Variants in EPOP observed in about 807,000 individuals in gnomAD.
The protein encoded by EPOP is elongin BC and polycomb repressive complex 2 associated protein, also known as elongin BC and Polycomb repressive complex 2-associated protein.
Under a neutral mutation model 18.2 loss-of-function variants are expected in EPOP, and 14 were observed. The observed-to-expected ratio is 0.77, with a 90% CI of 0.51 to 1.20. EPOP has a LOEUF of 1.20. Ranked by LOEUF, EPOP falls within the 50% of genes most tolerant of loss-of-function variation. EPOP has a pLI of 0.00. For missense variants in EPOP, 527 were observed against 577.2 expected (o/e 0.91, Z 0.89); for synonymous variants, 252 against 274.9 (o/e 0.92, Z 0.83).
rs1263143422 is a variant in EPOP, at chr17:38,672,835, A to T, written c.*521T>A. 6.6e-6 allele frequency: 1 copy of T among 152,416 alleles called. No homozygotes were observed. Among genetic ancestry groups the T allele is most frequent in the Non-Finnish European group, 1.5e-5 (1 of 68,306 alleles). 9.4% of individuals were successfully genotyped at this position (152,416 alleles called of 1,614,324 possible). A position where few individuals can be genotyped will look rare whatever the true frequency, so the allele number is the denominator to read the frequency against. ...CATTAAAGGCTCCAGCGGTGCTTGG[A>T]GCGTTAGGGAAGGCCTGAGGGGAGC... On this transcript the variant is annotated 3_prime_UTR_variant, in exon 1 of 1. Coordinates refer to ENST00000621654, the MANE Select transcript of EPOP (RefSeq NM_001130677.2).
Position 38,673,706 on chromosome 17 carries a change from C to G in EPOP, c.790G>C (p.Asp264His). The G allele has an allele frequency of 6.5e-7, 1 of 1,533,488 alleles. No individual in the cohort carries two copies. The highest frequency in any genetic ancestry group is 8.8e-7 in the Non-Finnish European group (1 of 1,140,558). The allele number at this position is 1,533,488 out of a possible 1,614,324, so 95.0% of individuals were successfully genotyped here. Residue 264 changes from aspartate to histidine, a missense_variant, in exon 1 of 1, where the codon GAC becomes CAC. Physicochemically the swap from Asp to His is moderately conservative, Grantham distance 81. Transcript: ENST00000621654. The part of the protein sequence containing the change: ...LWCYAKGFAL[D>H]TPSLRRGPER... ...GGCCCCCGGCGCAAACTCGGAGTGT[C>G]CAAGGCGAAGCCCTTCGCGTAACAC...
chr17:38,673,645 G>A lies in EPOP; in HGVS notation c.851C>T (p.Ala284Val), dbSNP rs1210948332. ...RPPAKGPARG[A>V]AKKRRLPAPP... ...CGCCGGCAGCCGGCGTTTCTTGGCG[G>A]CTCCCCGAGCCGGCCCTTTCGCAGG... The change falls in exon 1 of 1, where the codon GCC becomes GTC. Residue 284 changes from alanine (A) to valine (V), a missense_variant. Coordinates refer to ENST00000621654, the MANE Select transcript of EPOP (RefSeq NM_001130677.2). 1 of 1,524,698 alleles carries A rather than the reference G, an allele frequency of 6.6e-7. No individual in the cohort carries two copies. The highest frequency in any genetic ancestry group is 2.6e-5 in the East Asian group (1 of 37,906). 94.4% of individuals were successfully genotyped at this position (1,524,698 alleles called of 1,614,324 possible). A position where few individuals can be genotyped will look rare whatever the true frequency, so the allele number is the denominator to read the frequency against.
In EPOP at chr17:38,671,710, A is replaced by G. The variant is rs1450760052; in HGVS notation, c.*1646T>C. On this transcript the variant is annotated 3_prime_UTR_variant, in exon 1 of 1. Transcript: ENST00000621654. ...AAAAATGAAAGGAGACAGTTTTTAA[A>G]ACAAACAAAACTTTTATGGTCCAAA... is the stretch of plus-strand genomic sequence containing the variant. 6.8e-6 allele frequency: 1 copy of G among 146,610 alleles called. No homozygotes were observed. Among genetic ancestry groups the G allele is most frequent in the African/African-American group, 2.5e-5 (1 of 40,056 alleles). 9.1% of individuals were successfully genotyped at this position (146,610 alleles called of 1,614,324 possible).
At position 38,673,900 on chromosome 17, in the gene EPOP, G is replaced by A; in HGVS notation, c.596C>T (p.Ala199Val). The change falls in exon 1 of 1, where the codon GCG (alanine) becomes GTG (valine). Residue 199 changes from alanine (A) to valine (V), a missense_variant. By Grantham distance (64) the Ala-to-Val change is moderately conservative. Transcript: ENST00000621654. ...LSTEPAGPGT[A>V]PRPFLPGQPA... The stretch of plus-strand genomic sequence containing the variant: ...CTGGCCGGGCAGGAACGGCCGCGGC[G>A]CCGTCCCGGGACCCGCGGGCTCGGT... 1.6e-5 allele frequency: 22 copies of A among 1,390,364 alleles called. No homozygotes were observed. The highest frequency in any genetic ancestry group is 2.0e-5 in the Non-Finnish European group (22 of 1,077,978). The allele number at this position is 1,390,364 out of a possible 1,614,324, so 86.1% of individuals were successfully genotyped here. A position where few individuals can be genotyped will look rare whatever the true frequency, so the allele number is the denominator to read the frequency against.
At position 38,674,921 on chromosome 17, in the gene EPOP, T is replaced by G; in HGVS notation, c.-426A>C. 6.2e-6 allele frequency: 1 copy of G among 160,400 alleles called. No individual in the cohort carries two copies. Among genetic ancestry groups the G allele is most frequent in the Non-Finnish European group, 1.4e-5 (1 of 70,468 alleles). The allele number at this position is 160,400 out of a possible 1,614,324, so 9.9% of individuals were successfully genotyped here. The stretch of plus-strand genomic sequence containing the variant: ...CCTTCCGCCCGCTCGGTTTCTTTCT[T>G]CCCCGCTGGCTCCCGGAGACCGCGT... On this transcript the variant is annotated 5_prime_UTR_variant, in exon 1 of 1. Transcript: ENST00000621654. The surrounding 1 kb of genome is among the most constrained non-coding windows in gnomAD (Gnocchi z 4.5).
rs1404924813 is a variant in EPOP, at chr17:38,673,419, C to T, written c.1077G>A (p.Gly359=). 3 of 1,520,722 alleles carry T rather than the reference C, an allele frequency of 2.0e-6. No individual in the cohort carries two copies. Among genetic ancestry groups the T allele is most frequent in the African/African-American group, 1.4e-5 (1 of 69,800 alleles). The allele number at this position is 1,520,722 out of a possible 1,614,324, so 94.2% of individuals were successfully genotyped here. Residue 359 remains glycine (G), a synonymous_variant, in exon 1 of 1, where the codon GGG becomes GGA. Transcript: ENST00000621654. ...CAGGGGGCTCAGGGACAGCGGGACCCCCCATCTGCCACCTCCACAGCGGGT... is the reference window on the plus strand; with the variant it reads ...CAGGGGGCTCAGGGACAGCGGGACCTCCCATCTGCCACCTCCACAGCGGGT... ...PAHPLWRWQM[G]GPAVPEPPGL... is the part of the protein sequence containing the mutation.
chr17:38,674,486 G>A lies in EPOP; in HGVS notation c.10C>T (p.Leu4=). 1.3e-6 allele frequency: 2 copies of A among 1,532,878 alleles called. No homozygotes were observed. The highest frequency in any genetic ancestry group is 1.7e-6 in the Non-Finnish European group (2 of 1,143,828). 95.0% of individuals were successfully genotyped at this position (1,532,878 alleles called of 1,614,324 possible). A position where few individuals can be genotyped will look rare whatever the true frequency, so the allele number is the denominator to read the frequency against. Reference sequence around the variant, plus strand: ...ACTGCCAGGCGGGGCGCAGGGCACAGGGTCTCCATGGAGCAGCCTGAGGGG... The same window carrying A: ...ACTGCCAGGCGGGGCGCAGGGCACAAGGTCTCCATGGAGCAGCCTGAGGGG... MET[L]CPAPRLAVPA... The change falls in exon 1 of 1, where the codon CTG becomes TTG. Residue 4 remains leucine, a synonymous_variant. Coordinates refer to ENST00000621654, the MANE Select transcript of EPOP (RefSeq NM_001130677.2). This position sits in a 1 kb window ranked among gnomAD's most constrained non-coding sequence, Gnocchi z 4.5.
rs3887374 is a variant in EPOP at position 38,672,557 on chromosome 17, G to A, written c.*799C>T. 1 of 152,232 alleles carries A rather than the reference G, an allele frequency of 6.6e-6. No individual in the cohort carries two copies. Among genetic ancestry groups the A allele is most frequent in the African/African-American group, 2.4e-5 (1 of 41,442 alleles). The allele number at this position is 152,232 out of a possible 1,614,324, so 9.4% of individuals were successfully genotyped here. A position where few individuals can be genotyped will look rare whatever the true frequency, so the allele number is the denominator to read the frequency against. On this transcript the variant is annotated 3_prime_UTR_variant, in exon 1 of 1. Coordinates refer to ENST00000621654, the MANE Select transcript of EPOP (RefSeq NM_001130677.2). ...ACTTTCCAGGAGAGGAGGTCCCTCAGCCCTACCCGTCCTAAGGGAAGTAAG... is the reference window on the plus strand; with the variant it reads ...ACTTTCCAGGAGAGGAGGTCCCTCAACCCTACCCGTCCTAAGGGAAGTAAG...
chr17:38,672,502 T>G lies in EPOP; in HGVS notation c.*854A>C, dbSNP rs1426890555. The G allele has an allele frequency of 1.3e-5, 2 of 152,096 alleles. No homozygotes were observed. Among genetic ancestry groups the G allele is most frequent in the African/African-American group, 4.8e-5 (2 of 41,412 alleles). The allele number at this position is 152,096 out of a possible 1,614,324, so 9.4% of individuals were successfully genotyped here. A position where few individuals can be genotyped will look rare whatever the true frequency, so the allele number is the denominator to read the frequency against. On this transcript the variant is annotated 3_prime_UTR_variant, in exon 1 of 1. Coordinates refer to ENST00000621654, the MANE Select transcript of EPOP (RefSeq NM_001130677.2). ...CCTTCTATTACTTTCCCTGGGACAG[T>G]GTCTAGCCCCTTCCCCAGGCAAAGT... is the stretch of plus-strand genomic sequence containing the variant.
rs1048963457 is a variant in EPOP, at chr17:38,671,915, T to C, written c.*1441A>G. The C allele has an allele frequency of 5.3e-5, 8 of 152,156 alleles. No homozygotes were observed. The highest frequency in any genetic ancestry group is 1.9e-4 in the African/African-American group (8 of 41,420). The allele number at this position is 152,156 out of a possible 1,614,324, so 9.4% of individuals were successfully genotyped here. The stretch of plus-strand genomic sequence containing the variant: ...TGGAAGGCGCACTGGGTCCCTCAGT[T>C]GTTCGGCAGCTCCAAAAGCCCCAGC... On this transcript the variant is annotated 3_prime_UTR_variant, in exon 1 of 1. Transcript: ENST00000621654.
In EPOP at chr17:38,672,729, A is replaced by G. The variant is rs1244085345; in HGVS notation, c.*627T>C. 2.6e-5 allele frequency: 4 copies of G among 152,378 alleles called. No individual in the cohort carries two copies. Among genetic ancestry groups the G allele is most frequent in the African/African-American group, 9.6e-5 (4 of 41,478 alleles). 9.4% of individuals were successfully genotyped at this position (152,378 alleles called of 1,614,324 possible). On this transcript the variant is annotated 3_prime_UTR_variant, in exon 1 of 1. Coordinates refer to ENST00000621654, the MANE Select transcript of EPOP (RefSeq NM_001130677.2). The stretch of plus-strand genomic sequence containing the variant: ...GCGGCTGAGGCTGAAGATCTCACCA[A>G]TTAAGGGTCACCTGCACTTGAGGGG...
chr17:38,673,985 C>A lies in EPOP; in HGVS notation c.511G>T (p.Ala171Ser). Residue 171 changes from alanine to serine, a missense_variant, in exon 1 of 1, where the codon GCC (alanine) becomes TCC (serine). Physicochemically the swap from Ala to Ser is moderately conservative, Grantham distance 99. Coordinates refer to ENST00000621654, the MANE Select transcript of EPOP (RefSeq NM_001130677.2). Reference protein sequence around the residue: ...APGLEPQRGPAASPPQEPSSR... With the variant: ...APGLEPQRGPSASPPQEPSSR... ...CTGGGTTCCTGAGGCGGGCTGGCGG[C>A]TGGGCCACGCTGAGGCTCGAGACCC... 7.2e-7 allele frequency: 1 copy of A among 1,394,068 alleles called. No individual in the cohort carries two copies. Among genetic ancestry groups the A allele is most frequent in the South Asian group, 1.6e-5 (1 of 61,940 alleles). The allele number at this position is 1,394,068 out of a possible 1,614,324, so 86.4% of individuals were successfully genotyped here. A position where few individuals can be genotyped will look rare whatever the true frequency, so the allele number is the denominator to read the frequency against.
chr17:38,674,581 G>C lies in EPOP; in HGVS notation c.-86C>G. 1 of 1,304,296 alleles carries C rather than the reference G, an allele frequency of 7.7e-7. No individual in the cohort carries two copies. Among genetic ancestry groups the C allele is most frequent in the Non-Finnish European group, 1.0e-6 (1 of 996,624 alleles). 80.8% of individuals were successfully genotyped at this position (1,304,296 alleles called of 1,614,324 possible). A position where few individuals can be genotyped will look rare whatever the true frequency, so the allele number is the denominator to read the frequency against. On this transcript the variant is annotated 5_prime_UTR_variant, in exon 1 of 1. Transcript: ENST00000621654. The surrounding 1 kb of genome is among the most constrained non-coding windows in gnomAD (Gnocchi z 4.5). ...TGCCCGAAGAGCCCACGGGTGAGGG[G>C]AACATCGCCCCCCGTCGACGGGGAG...
rs758636860 is a variant in EPOP, at chr17:38,674,329, A to G, written c.167T>C (p.Leu56Pro). 118 of 1,536,922 alleles carry G rather than the reference A, an allele frequency of 7.7e-5. No homozygotes were observed. The highest frequency in any genetic ancestry group is 1.0e-4 in the Non-Finnish European group (115 of 1,144,772). ...CGCCAGCTCCCCAGGCCCCGGGCCC[A>G]GAGAGGACGCCCGGGGCTTGGCAAG... ...CALAKPRASS[L>P]GPGPGELAAR... Residue 56 changes from leucine to proline, a missense_variant, in exon 1 of 1, where the codon CTG becomes CCG. Coordinates refer to ENST00000621654, the MANE Select transcript of EPOP (RefSeq NM_001130677.2). The surrounding 1 kb of genome is among the most constrained non-coding windows in gnomAD (Gnocchi z 4.5).
At position 38,674,213 on chromosome 17, in the gene EPOP, C is replaced by G; in HGVS notation, c.283G>C (p.Gly95Arg). 7.1e-7 allele frequency: 1 copy of G among 1,414,596 alleles called. No individual in the cohort carries two copies. Among genetic ancestry groups the G allele is most frequent in the Non-Finnish European group, 9.1e-7 (1 of 1,095,562 alleles). 87.6% of individuals were successfully genotyped at this position (1,414,596 alleles called of 1,614,324 possible). The stretch of plus-strand genomic sequence containing the variant: ...GCGGTGTTAGGAACGCCGGGCCGCC[C>G]GGTCGGTGCCCAGAGGTGCTTCAGG... ...DGLKHLWAPT[G>R]RPGVPNTAAG... Residue 95 changes from glycine to arginine, a missense_variant, in exon 1 of 1, where the codon GGG becomes CGG. Physicochemically the swap from Gly to Arg is moderately radical, Grantham distance 125 (BLOSUM62 -2). Coordinates refer to ENST00000621654, the MANE Select transcript of EPOP (RefSeq NM_001130677.2). The surrounding 1 kb of genome is among the most constrained non-coding windows in gnomAD (Gnocchi z 4.5).
Position 38,674,594 on chromosome 17 carries a change from C to G in EPOP, c.-99G>C. The G allele has an allele frequency of 1.6e-6, 2 of 1,246,870 alleles. No homozygotes were observed. The highest frequency in any genetic ancestry group is 2.1e-6 in the Non-Finnish European group (2 of 948,588). The allele number at this position is 1,246,870 out of a possible 1,614,324, so 77.2% of individuals were successfully genotyped here. Reference sequence around the variant, plus strand: ...CACGGGTGAGGGGAACATCGCCCCCCGTCGACGGGGAGGTCTCTGCTCACG... The same window carrying G: ...CACGGGTGAGGGGAACATCGCCCCCGGTCGACGGGGAGGTCTCTGCTCACG... On this transcript the variant is annotated 5_prime_UTR_variant, in exon 1 of 1. Transcript: ENST00000621654. This position sits in a 1 kb window ranked among gnomAD's most constrained non-coding sequence, Gnocchi z 4.5.
At position 38,674,149 on chromosome 17, in the gene EPOP, C is replaced by T; in HGVS notation, c.347G>A (p.Arg116His). 4 of 1,442,286 alleles carry T rather than the reference C, an allele frequency of 2.8e-6. No homozygotes were observed. Among genetic ancestry groups the T allele is most frequent in the Non-Finnish European group, 3.6e-6 (4 of 1,108,664 alleles). The allele number at this position is 1,442,286 out of a possible 1,614,324, so 89.3% of individuals were successfully genotyped here. A position where few individuals can be genotyped will look rare whatever the true frequency, so the allele number is the denominator to read the frequency against. ...EDADVAACPR[R>H]GEEEEGGGGF... ...GCCTCCGCCCTCTTCCTCCTCTCCG[C>T]GGCGGGGGCACGCTGCGACGTCCGC... The change falls in exon 1 of 1, where the codon CGC becomes CAC. Residue 116 changes from arginine to histidine, a missense_variant. By Grantham distance (29) the Arg-to-His change is conservative. Transcript: ENST00000621654. This position sits in a 1 kb window ranked among gnomAD's most constrained non-coding sequence, Gnocchi z 4.5.
In EPOP at chr17:38,673,928, A is replaced by G; in HGVS notation, c.568T>C (p.Ser190Pro). 7.2e-7 allele frequency: 1 copy of G among 1,393,190 alleles called. No homozygotes were observed. Among genetic ancestry groups the G allele is most frequent in the Non-Finnish European group, 9.2e-7 (1 of 1,082,140 alleles). 86.3% of individuals were successfully genotyped at this position (1,393,190 alleles called of 1,614,324 possible). ...SRPPSPPAGL[S>P]TEPAGPGTAP... ...GTCCCGGGACCCGCGGGCTCGGTGGAGAGGCCCGCAGGTGGCGACGGAGGC... is the reference window on the plus strand; with the variant it reads ...GTCCCGGGACCCGCGGGCTCGGTGGGGAGGCCCGCAGGTGGCGACGGAGGC... The change falls in exon 1 of 1, where the codon TCC becomes CCC. Residue 190 changes from serine to proline, a missense_variant. Physicochemically the swap from Ser to Pro is moderately conservative, Grantham distance 74. Coordinates refer to ENST00000621654, the MANE Select transcript of EPOP (RefSeq NM_001130677.2).
rs1911035441 is a variant in EPOP, at chr17:38,673,999, G to A, written c.497C>T (p.Pro166Leu). The A allele has an allele frequency of 2.2e-6, 3 of 1,392,430 alleles. No homozygotes were observed. The highest frequency in any genetic ancestry group is 3.0e-5 in the African/African-American group (2 of 65,592). 86.3% of individuals were successfully genotyped at this position (1,392,430 alleles called of 1,614,324 possible). A position where few individuals can be genotyped will look rare whatever the true frequency, so the allele number is the denominator to read the frequency against. Reference sequence around the variant, plus strand: ...CGGGCTGGCGGCTGGGCCACGCTGAGGCTCGAGACCCGGGGCCGGGCGAGG... The same window carrying A: ...CGGGCTGGCGGCTGGGCCACGCTGAAGCTCGAGACCCGGGGCCGGGCGAGG... ...APPRPAPGLEPQRGPAASPPQ... is the reference protein window; with the variant it reads ...APPRPAPGLELQRGPAASPPQ... Residue 166 changes from proline (P) to leucine (L), a missense_variant, in exon 1 of 1, where the codon CCT becomes CTT. By Grantham distance (98) the Pro-to-Leu change is moderately conservative. Transcript: ENST00000621654.
Sources: gnomAD v4.1 joint callset for allele counts on GRCh38, gnomAD v4.1.1 for gene constraint, Gnocchi (gnomAD v3.1) non-coding constraint, MANE v1.5 for transcripts, NCBI Gene and HGNC (gene_info 2026-07-23, HGNC 2026-07-21) for gene names.